CNTNAP2: variants seen among roughly 807,000 people sequenced by gnomAD.
CNTNAP2 encodes the protein contactin-associated protein-like 2.
Under a neutral mutation model 155.2 loss-of-function variants are expected in CNTNAP2, and 98 were observed. The ratio of observed to expected loss-of-function variants is 0.63; its 90% CI spans 0.54 to 0.75. The LOEUF (loss-of-function observed/expected upper bound fraction) is 0.75. Among genes scored for constraint, CNTNAP2 ranks in the 30% least tolerant of loss-of-function variants. CNTNAP2 has a pLI of 0.00. For synonymous variants in CNTNAP2, 651 were observed against 631.2 expected, an observed-to-expected ratio of 1.03 and a Z score of -0.47; for missense variants, 1,727 against 1,688.1, an observed-to-expected ratio of 1.02 and a Z score of -0.40.
At chr7:147,306,576 A>G (rs1471476133) in intron 9 of CNTNAP2, among the ~76,000 whole-genome samples, 1 of 152,258 alleles carries the variant, frequency 6.6e-6, no homozygotes, top group Non-Finnish European at 1.5e-5. Flanking sequence ...CAAAGTGTAA[A>G]TGATAAGAAA....
chr7:146,233,574 C>G (rs934218412), intron 1 of CNTNAP2, among the ~76,000 whole-genome samples: 2 of 152,188 alleles, frequency 1.3e-5, no homozygotes, highest in East Asian at 3.9e-4. Context: ...ATTAACTCGT[C>G]ATTTAGCATT....
At chr7:147,476,898 G>A (rs851813) in intron 10 of CNTNAP2, among the ~76,000 whole-genome samples, 181 of 146,962 alleles carry the variant, frequency 1.2e-3, no homozygotes, top group East Asian at 4.6e-3. Flanking sequence ...ACTGCTCTCC[G>A]GCCTGGGTGA....
At chr7:147,791,882 C>A (rs1036611598) in intron 13 of CNTNAP2, among the ~76,000 whole-genome samples, 1 of 152,348 alleles carries the variant, frequency 6.6e-6, no homozygotes, top group African/African-American at 2.4e-5. Flanking sequence ...ACACGGATGT[C>A]ATTTCCTCAT....
At chr7:146,522,418 C>A (rs1209144241) in intron 1 of CNTNAP2, among the ~76,000 whole-genome samples, 5 of 152,030 alleles carry the variant, frequency 3.3e-5, no homozygotes, top group Non-Finnish European at 7.4e-5. Context: ...ATTACCACAG[C>A]AGGTGTCATT....
At chr7:148,063,472 T>C (rs1367371958) in intron 15 of CNTNAP2, among the ~76,000 whole-genome samples, 1 of 151,964 alleles carries the variant, frequency 6.6e-6, no homozygotes, top group Non-Finnish European at 1.5e-5. Flanking sequence ...TAGCTTTTTT[T>C]TCCTCTGTTT....
intron 11 of CNTNAP2, among the ~76,000 whole-genome samples, chr7:147,543,364 T>A (rs904152752): frequency 6.6e-6 from 1 of 152,210 alleles, no homozygotes; most frequent in Non-Finnish European, 1.5e-5. Flanking sequence ...ACCCACAACC[T>A]TCCAGCATGG....
chr7:146,493,790 T>C (rs1455030982), intron 1 of CNTNAP2, among the ~76,000 whole-genome samples: 1 of 152,082 alleles, frequency 6.6e-6, no homozygotes, highest in Admixed American at 6.5e-5. Flanking sequence ...TTGAAAAAAA[T>C]CTGCCCAATT....
At chr7:147,977,708 GAA>G (rs1801454361) in intron 14 of CNTNAP2, among the ~76,000 whole-genome samples, 152 bp from the exon 15 acceptor site, 1 of 152,194 alleles carries the variant, frequency 6.6e-6, no homozygotes, top group Non-Finnish European at 1.5e-5. Flanking sequence ...ACCACCTATG[GAA>G]GAGAGAGAAC....
At chr7:147,307,356 G>A (rs1040561037) in intron 9 of CNTNAP2, among the ~76,000 whole-genome samples, 7 of 152,006 alleles carry the variant, frequency 4.6e-5, no homozygotes, top group East Asian at 1.9e-4. Context: ...AGGCCGAGGC[G>A]GGCAGATCAC....
chr7:146,231,838 C>G (rs1192826783), intron 1 of CNTNAP2, among the ~76,000 whole-genome samples: 1 of 152,178 alleles, frequency 6.6e-6, no homozygotes, highest in Non-Finnish European at 1.5e-5. Context: ...GTGGCACACA[C>G]TTTTAGACTT....
At chr7:147,254,503 T>A (rs555819160) in intron 8 of CNTNAP2, among the ~76,000 whole-genome samples, 97 of 152,272 alleles carry the variant, frequency 6.4e-4, no homozygotes, top group African/African-American at 2.0e-3. Context: ...TTAAACAAAC[T>A]TTTTTGGTTG....
chr7:147,685,079 TTTTC>T (rs1314927061), intron 13 of CNTNAP2, among the ~76,000 whole-genome samples: 2 of 152,082 alleles, frequency 1.3e-5, no homozygotes, highest in East Asian at 3.9e-4. Context: ...CAAAAATCTA[TTTTC>T]TCTTGCATAA....
chr7:147,213,787 C>T (rs1803206681), intron 8 of CNTNAP2, among the ~76,000 whole-genome samples: 1 of 152,018 alleles, frequency 6.6e-6, no homozygotes, highest in African/African-American at 2.4e-5. Context: ...ACTAGGGAAA[C>T]CTATGACATA....
intron 1 of CNTNAP2, among the ~76,000 whole-genome samples, chr7:146,518,140 TA>T (rs1458204977): frequency 1.3e-5 from 2 of 151,944 alleles, no homozygotes; most frequent in East Asian, 3.9e-4. Flanking sequence ...TAAGAATTAG[TA>T]TAATATATGA....
Position 147,858,947 on chromosome 7 carries a change from G to A in CNTNAP2, c.2099-44618G>A, listed in dbSNP as rs556530196. 2.0e-4 allele frequency among the ~76,000 whole-genome samples: 30 copies of A among 152,120 alleles called. No homozygotes were observed. The East Asian group carries it at 2.9e-3, about 15-fold the overall frequency. ...TACCCAGTTTATGGTAATTTGTTTCGGCAACCCTGGGAAACTTCTATATAA... is the reference window on the plus strand; with the variant it reads ...TACCCAGTTTATGGTAATTTGTTTCAGCAACCCTGGGAAACTTCTATATAA... On this transcript the variant is annotated intron_variant, in intron 13 of 23. Transcript: ENST00000361727.
intron 19 of CNTNAP2, among the ~76,000 whole-genome samples, chr7:148,228,637 T>C (rs546939149): frequency 2.0e-5 from 3 of 151,758 alleles, no homozygotes; most frequent in Non-Finnish European, 4.4e-5. Context: ...TCCTGGCTAA[T>C]ACGGTGAAAC....
chr7:147,772,639 C>T (rs1397626214), intron 13 of CNTNAP2, among the ~76,000 whole-genome samples: 2 of 151,632 alleles, frequency 1.3e-5, no homozygotes, highest in African/African-American at 4.8e-5. Context: ...GTAACCTTTA[C>T]TTTCAAACAT....
At chr7:147,712,855 G>A (rs1361941163) in intron 13 of CNTNAP2, among the ~76,000 whole-genome samples, 11 of 152,110 alleles carry the variant, frequency 7.2e-5, no homozygotes, top group Admixed American at 6.6e-4. Flanking sequence ...TAACCAACCT[G>A]CACGTTGTGC....
At position 146,938,499 on chromosome 7, in the gene CNTNAP2, A is replaced by G. The variant is rs116918592; in HGVS notation, c.402+98595A>G. Among the ~76,000 whole-genome samples the G allele has an allele frequency of 1.7e-3, 254 of 151,478 alleles. 1 individual carries two copies. The East Asian group carries it at 0.019, about 11-fold the overall frequency. On this transcript the variant is annotated intron_variant, in intron 3 of 23. Coordinates refer to ENST00000361727, the MANE Select transcript of CNTNAP2 (RefSeq NM_014141.6). ...ATATATAAAACTACTTCTTTTGTAC[A>G]TTGTATTCTGCTTCTAAGAATGACA... is the stretch of plus-strand genomic sequence containing the variant.
Sources: allele counts gnomAD v4.1 joint callset (sites outside exome capture counted in the v4.1 genomes callset), GRCh38; gene constraint gnomAD v4.1.1; transcripts MANE v1.5; gene names NCBI Gene and HGNC (gene_info 2026-07-23, HGNC 2026-07-21).